Variants in NOTCH2 observed in about 807,000 individuals in gnomAD.
NOTCH2 encodes the protein neurogenic locus notch homolog protein 2.
Under a neutral mutation model 235.8 loss-of-function variants are expected in NOTCH2, and 29 were observed. The ratio of observed to expected loss-of-function variants is 0.12; its 90% CI spans 0.09 to 0.17. The LOEUF (loss-of-function observed/expected upper bound fraction) is 0.17, where lower values mean the gene tolerates loss of function less well. Ranked by LOEUF, NOTCH2 falls within the 10% of genes least tolerant of loss-of-function variation. The pLI is 1.00. For synonymous variants in NOTCH2, 1,086 were observed against 1,141.5 expected, an observed-to-expected ratio of 0.95 and a Z score of 0.98; for missense variants, 2,285 against 3,150.2, an observed-to-expected ratio of 0.73 and a Z score of 6.57.
At chr1:119,919,272 TAGGA>T in intron 31 of NOTCH2, 36 bp downstream of exon 31, 1 of 1,543,990 alleles carries the variant, frequency 6.5e-7, no homozygotes, top group Admixed American at 1.7e-5. Flanking sequence ...TATAGAGCCA[TAGGA>T]ATTATTATTC....
intron 1 of NOTCH2, among the ~76,000 whole-genome samples, chr1:120,040,942 G>A (rs1553212643): frequency 6.8e-6 from 1 of 146,722 alleles, no homozygotes; most frequent in African/African-American, 2.5e-5. Context: ...TAGGGAGTCT[G>A]AGGCAGGAGA....
chr1:120,024,932 G>A (rs1462256304), intron 2 of NOTCH2, among the ~76,000 whole-genome samples: 5 of 150,172 alleles, frequency 3.3e-5, no homozygotes, highest in Non-Finnish European at 7.4e-5. Context: ...ACTGAAAGCA[G>A]GCATAAACTA....
intron 19 of NOTCH2, 63 bp from the exon 20 acceptor site, chr1:119,938,073 T>C (rs1553196002): frequency 1.9e-6 from 3 of 1,552,534 alleles, no homozygotes; most frequent in Middle Eastern, 1.7e-4. Flanking sequence ...AGAAAAGAAG[T>C]TATATTGTGT....
chr1:119,964,742 G>C (rs1253408148), intron 10 of NOTCH2, among the ~76,000 whole-genome samples: 1 of 152,144 alleles, frequency 6.6e-6, no homozygotes, highest in Non-Finnish European at 1.5e-5. Flanking sequence ...TTCTCAAGCA[G>C]TCAGATAATA....
At chr1:119,917,830 C>T in intron 32 of NOTCH2, 68 bp from the exon 33 acceptor site, 2 of 1,008,238 alleles carry the variant, frequency 2.0e-6, no homozygotes, top group African/African-American at 1.6e-5. Context: ...ATGACTTGCA[C>T]AATGAAATCT....
intron 12 of NOTCH2, among the ~76,000 whole-genome samples, chr1:119,956,166 A>G (rs1462701174): frequency 6.6e-6 from 1 of 152,230 alleles, no homozygotes; most frequent in African/African-American, 2.4e-5. Flanking sequence ...GATATTTCTT[A>G]GGCTGAATAA....
chr1:120,006,620 TG>T (rs1553206334), intron 2 of NOTCH2, among the ~76,000 whole-genome samples: 1 of 148,162 alleles, frequency 6.7e-6, no homozygotes, highest in African/African-American at 2.5e-5. Context: ...GCTATATATT[TG>T]GCTGGTGCCC....
At chr1:119,916,806 C>T in intron 33 of NOTCH2, 112 bp from the exon 34 acceptor site, 3 of 1,067,802 alleles carry the variant, frequency 2.8e-6, no homozygotes, top group Non-Finnish European at 4.2e-6. Context: ...CTAATTATCT[C>T]CCCGATGAAA....
chr1:120,054,637 A>G (rs1570790165), intron 1 of NOTCH2, among the ~76,000 whole-genome samples: 1 of 151,890 alleles, frequency 6.6e-6, no homozygotes, highest in East Asian at 1.9e-4. Flanking sequence ...CTGGCATCAA[A>G]CATTTCTGAA....
At chr1:120,066,315 G>C (rs1426794322) in intron 1 of NOTCH2, among the ~76,000 whole-genome samples, 1 of 149,248 alleles carries the variant, frequency 6.7e-6, no homozygotes, top group Non-Finnish European at 1.5e-5. Flanking sequence ...TTGCAACCAA[G>C]TTACTTGTCA....
Position 119,915,782 on chromosome 1 carries a change from T to C in NOTCH2, c.6940A>G (p.Ser2314Gly). 1 of 1,610,902 alleles carries C rather than the reference T, an allele frequency of 6.2e-7. No individual in the cohort carries two copies. Among genetic ancestry groups the C allele is most frequent in the Middle Eastern group, 1.7e-4 (1 of 6,054 alleles). The change falls in exon 34 of 34, where the codon AGT (serine) becomes GGT (glycine). Residue 2314 changes from serine (S) to glycine (G), a missense_variant. This residue lies in a region of NOTCH2 where 504 missense variants were observed against 538.0 expected (regional missense o/e 0.94). Coordinates refer to ENST00000256646, the MANE Select transcript of NOTCH2 (RefSeq NM_024408.4). ...GGAGCCCCCGCTGGTTGGGCAATACTGCCTTTAGGGATGAGCTGGAAAGTC... is the reference window on the plus strand; with the variant it reads ...GGAGCCCCCGCTGGTTGGGCAATACCGCCTTTAGGGATGAGCTGGAAAGTC... ...IVTFQLIPKG[S>G]IAQPAGAPQP...
intron 2 of NOTCH2, among the ~76,000 whole-genome samples, chr1:120,007,596 A>G (rs1308671177): frequency 6.6e-6 from 1 of 150,856 alleles, no homozygotes; most frequent in Non-Finnish European, 1.5e-5. Flanking sequence ...AGGCTGAGGC[A>G]TGAGAATTGC....
chr1:119,988,393 T>G (rs1652103070), intron 4 of NOTCH2, among the ~76,000 whole-genome samples: 1 of 152,194 alleles, frequency 6.6e-6, no homozygotes, highest in South Asian at 2.1e-4. Flanking sequence ...ATTATATTTC[T>G]CCAAGTATTT....
rs768021938 is a variant in NOTCH2, at chr1:119,916,446, G to A, written c.6276C>T (p.Leu2092=). The change falls in exon 34 of 34, where the codon CTC becomes CTT. Residue 2092 remains leucine (L), a synonymous_variant. Transcript: ENST00000256646. ...PVICGPNRSF[L]SLKHTPMGKK... is the part of the protein sequence containing the mutation. ...TGCCCATTGGGGTGTGCTTCAGGCT[G>A]AGGAAAGATCTGTTGGGCCCACAGA... is the stretch of plus-strand genomic sequence containing the variant. The A allele has an allele frequency of 4.3e-6, 7 of 1,613,820 alleles. No homozygotes were observed. The highest frequency in any genetic ancestry group is 5.9e-6 in the Non-Finnish European group (7 of 1,179,750).
At chr1:120,011,171 A>G (rs1322179861) in intron 2 of NOTCH2, among the ~76,000 whole-genome samples, 1 of 152,052 alleles carries the variant, frequency 6.6e-6, no homozygotes, top group African/African-American at 2.4e-5. Flanking sequence ...GGTGATAAAA[A>G]TGTTTCGAAA....
At chr1:119,919,696 A>C in intron 30 of NOTCH2, 83 bp from the exon 31 acceptor site, 1 of 1,337,180 alleles carries the variant, frequency 7.5e-7, no homozygotes. Flanking sequence ...ATTTGACTAA[A>C]GTTATTCTTA....
At chr1:119,995,890 C>A (rs1157300860) in intron 4 of NOTCH2, 1 of 152,212 alleles carries the variant, frequency 6.6e-6, no homozygotes, top group Non-Finnish European at 1.5e-5. Flanking sequence ...CAACCTATGA[C>A]CTTTAATCTC....
chr1:119,964,967 C>G (rs1553199478), intron 10 of NOTCH2, among the ~76,000 whole-genome samples: 1 of 152,232 alleles, frequency 6.6e-6, no homozygotes, highest in African/African-American at 2.4e-5. Context: ...AGTGAGAGCT[C>G]TCTCTCCTGT....
At position 119,916,677 on chromosome 1, in the gene NOTCH2, A is replaced by G. The variant is rs766885963; in HGVS notation, c.6045T>C (p.Phe2015=). ...MQDNKEETPL[F]LAAREGSYEA... Reference sequence around the variant, plus strand: ...CATAGCTCCCCTCCCGGGCAGCAAGAAACAGAGGTGTCTCTTCCTACAGAA... The same window carrying G: ...CATAGCTCCCCTCCCGGGCAGCAAGGAACAGAGGTGTCTCTTCCTACAGAA... The change falls in exon 34 of 34, where the codon TTT becomes TTC. Residue 2015 remains phenylalanine (F), a synonymous_variant. Coordinates refer to ENST00000256646, the MANE Select transcript of NOTCH2 (RefSeq NM_024408.4). The G allele has an allele frequency of 2.3e-5, 37 of 1,614,090 alleles. No individual in the cohort carries two copies. In the East Asian group the frequency reaches 7.8e-4, roughly 34 times the overall value.
Sources: allele counts gnomAD v4.1 joint callset (sites outside exome capture counted in the v4.1 genomes callset), GRCh38; gene constraint gnomAD v4.1.1; regional missense constraint gnomAD v4.1.1; transcripts MANE v1.5; gene names NCBI Gene and HGNC (gene_info 2026-07-23, HGNC 2026-07-21).